FER: variants seen among roughly 807,000 people sequenced by gnomAD.
FER encodes the protein FER tyrosine kinase.
FER carries 63 observed loss-of-function variants against 111.0 expected under a neutral mutation model. That is an observed-to-expected ratio of 0.57 (90% CI 0.46 to 0.70). The LOEUF is 0.70. Ranked by LOEUF, FER falls within the 30% of genes least tolerant of loss-of-function variation. FER has a pLI of 0.00. For synonymous variants in FER, 327 were observed against 313.9 expected (o/e 1.04, Z -0.44); for missense variants, 914 against 954.0 (o/e 0.96, Z 0.55).
intron 13 of FER, among the ~76,000 whole-genome samples, chr5:109,019,935 T>C (rs567162916): frequency 8.0e-4 from 122 of 152,044 alleles, no homozygotes; most frequent in African/African-American, 2.6e-3. Flanking sequence ...ATTGTAGCAG[T>C]GCTGCTTTTT....
chr5:109,185,011 A>G (rs911627690), intron 18 of FER, among the ~76,000 whole-genome samples: 1 of 152,218 alleles, frequency 6.6e-6, no homozygotes, highest in Non-Finnish European at 1.5e-5. Flanking sequence ...CTGTAAATGG[A>G]GTTTAGTTAT....
At chr5:108,874,516 T>G (rs1407359228) in intron 8 of FER, among the ~76,000 whole-genome samples, 1 of 152,160 alleles carries the variant, frequency 6.6e-6, no homozygotes, top group Non-Finnish European at 1.5e-5. Flanking sequence ...CAGAGAGTTA[T>G]TCAGCATCTC....
At chr5:108,804,285 G>C (rs1756972831) in intron 3 of FER, among the ~76,000 whole-genome samples, 1 of 152,166 alleles carries the variant, frequency 6.6e-6, no homozygotes, top group Admixed American at 6.5e-5. Context: ...CATTAAGAGA[G>C]ATAGTTTGAC....
intron 3 of FER, among the ~76,000 whole-genome samples, chr5:108,816,850 C>G (rs367987748): frequency 5.9e-5 from 9 of 151,878 alleles, no homozygotes; most frequent in African/African-American, 2.2e-4. Context: ...TGCCTGTAAT[C>G]CAGCACTCTG....
At chr5:109,182,370 C>G (rs752654490) in intron 18 of FER, among the ~76,000 whole-genome samples, 1 of 152,124 alleles carries the variant, frequency 6.6e-6, no homozygotes, top group Non-Finnish European at 1.5e-5. Context: ...TATGAGCTTT[C>G]TAGTGATTGC....
chr5:108,845,439 C>T (rs1324818887), intron 5 of FER, among the ~76,000 whole-genome samples: 1 of 151,992 alleles, frequency 6.6e-6, no homozygotes, highest in Non-Finnish European at 1.5e-5. Context: ...TGCTCGGCCT[C>T]CCAAAGTGCT....
At chr5:109,163,784 A>G (rs564157889) in intron 17 of FER, among the ~76,000 whole-genome samples, 83 of 152,214 alleles carry the variant, frequency 5.5e-4, no homozygotes, top group African/African-American at 1.8e-3. Flanking sequence ...TTTTAAAAAC[A>G]TTTCTGCTAC....
In FER at chr5:109,008,267, A is replaced by C. The variant is rs181335957; in HGVS notation, c.1657-29155A>C. 1.5e-3 allele frequency among the ~76,000 whole-genome samples: 231 copies of C among 152,322 alleles called. 1 individual carries two copies. The highest frequency in any genetic ancestry group is 3.1e-3 in the South Asian group (15 of 4,828). On this transcript the variant is annotated intron_variant, in intron 13 of 19. Coordinates refer to ENST00000281092, the MANE Select transcript of FER (RefSeq NM_005246.4). ...ATGGTAATTATTCTTCCTGACTACA[A>C]CTATCATTAAAGATGTTTACCATGT...
intron 2 of FER, among the ~76,000 whole-genome samples, chr5:108,783,895 G>A (rs180866688): frequency 2.4e-4 from 36 of 152,266 alleles, no homozygotes; most frequent in Non-Finnish European, 4.3e-4. Flanking sequence ...TGGAGAACAA[G>A]AGGCTTCCTG....
chr5:108,852,873 A>G (rs1485842027), intron 5 of FER, among the ~76,000 whole-genome samples: 1 of 152,208 alleles, frequency 6.6e-6, no homozygotes, highest in Non-Finnish European at 1.5e-5. Context: ...AATGACAGCT[A>G]TAATAATCTC....
At chr5:108,991,072 T>C (rs1763106538) in intron 13 of FER, among the ~76,000 whole-genome samples, 2 of 151,496 alleles carry the variant, frequency 1.3e-5, no homozygotes, top group Admixed American at 6.6e-5. Context: ...TATATACAAA[T>C]ATATATCTTA....
intron 13 of FER, among the ~76,000 whole-genome samples, chr5:108,985,872 A>G (rs1762512779): frequency 1.3e-5 from 2 of 152,128 alleles, no homozygotes; most frequent in Non-Finnish European, 2.9e-5. Context: ...TATTTTTGCA[A>G]TTGCAAATTG....
At chr5:108,967,160 T>C (rs1374507466) in intron 13 of FER, among the ~76,000 whole-genome samples, 1 of 152,152 alleles carries the variant, frequency 6.6e-6, no homozygotes, top group Non-Finnish European at 1.5e-5. Context: ...AGCCCGCCTG[T>C]GTTATAGTTG....
At chr5:109,036,973 C>T (rs1415858568) in intron 13 of FER, among the ~76,000 whole-genome samples, 2 of 152,036 alleles carry the variant, frequency 1.3e-5, no homozygotes, top group East Asian at 3.9e-4. Context: ...ACTCATGGCC[C>T]ATTTATATGT....
intron 17 of FER, among the ~76,000 whole-genome samples, chr5:109,146,943 G>C (rs1310267728): frequency 6.6e-6 from 1 of 151,940 alleles, no homozygotes; most frequent in Non-Finnish European, 1.5e-5. Context: ...TATGATAAGG[G>C]AATATTTAAG....
intron 16 of FER, among the ~76,000 whole-genome samples, chr5:109,052,716 A>AT (rs1773018638): frequency 6.6e-6 from 1 of 152,202 alleles, no homozygotes; most frequent in Non-Finnish European, 1.5e-5. Flanking sequence ...GGATAATCTT[A>AT]TTTTAAGGTC....
chr5:108,785,426 A>T (rs751688552), intron 2 of FER: 42 of 583,804 alleles, frequency 7.2e-5, no homozygotes, highest in Non-Finnish European at 1.7e-5. Flanking sequence ...GCAAGAAGTT[A>T]TTAGTACTGG....
intron 17 of FER, among the ~76,000 whole-genome samples, chr5:109,129,994 A>C (rs974613747): frequency 1.2e-4 from 18 of 151,788 alleles, no homozygotes; most frequent in Non-Finnish European, 2.7e-4. Context: ...TTATAAAAAT[A>C]AATTTGCATT....
intron 17 of FER, among the ~76,000 whole-genome samples, chr5:109,143,565 C>A (rs1199499348): frequency 6.6e-6 from 1 of 151,964 alleles, no homozygotes; most frequent in East Asian, 1.9e-4. Context: ...ATCCGTGAAC[C>A]CCATGAAAAT....
Sources: gnomAD v4.1 joint callset for allele counts (sites outside exome capture counted in the v4.1 genomes callset) on GRCh38, gnomAD v4.1.1 for gene constraint, MANE v1.5 for transcripts, NCBI Gene and HGNC (gene_info 2026-07-23, HGNC 2026-07-21) for gene names.